The following ADGRB3 variants were observed in gnomAD, a reference collection of about 807,000 sequenced individuals.
ADGRB3 encodes the protein adhesion G protein-coupled receptor B3.
In ADGRB3, 37 loss-of-function variants were observed where a neutral mutation model predicts 193.4. The observed-to-expected ratio is 0.19, with a 90% CI of 0.15 to 0.25. The LOEUF (loss-of-function observed/expected upper bound fraction) is 0.25, where lower values mean the gene tolerates loss of function less well. Ranked by LOEUF, ADGRB3 falls within the 10% of genes least tolerant of loss-of-function variation. ADGRB3 has a pLI of 1.00. For missense variants in ADGRB3, 1,637 were observed against 1,852.9 expected, an observed-to-expected ratio of 0.88 and a Z score of 2.14; for synonymous variants, 690 against 644.2, an observed-to-expected ratio of 1.07 and a Z score of -1.08.
At chr6:68,943,040 T>C (rs1767684994) in intron 5 of ADGRB3, among the ~76,000 whole-genome samples, 2 of 152,350 alleles carry the variant, frequency 1.3e-5, no homozygotes, top group Admixed American at 1.3e-4. Flanking sequence ...TTTGAAGAAT[T>C]GATATATTCA....
intron 17 of ADGRB3, among the ~76,000 whole-genome samples, chr6:69,129,640 A>G (rs1459622133): frequency 1.3e-5 from 2 of 152,138 alleles, no homozygotes; most frequent in Non-Finnish European, 2.9e-5. Context: ...ATGCTATTAC[A>G]TTATTGCTTC....
intron 17 of ADGRB3, among the ~76,000 whole-genome samples, chr6:69,124,401 C>T (rs1247389264): frequency 6.6e-6 from 1 of 152,128 alleles, no homozygotes; most frequent in Non-Finnish European, 1.5e-5. Flanking sequence ...TTCTGCACTA[C>T]AGACTATCTG....
intron 13 of ADGRB3, among the ~76,000 whole-genome samples, chr6:69,037,496 A>G (rs1211137771): frequency 6.6e-6 from 1 of 152,100 alleles, no homozygotes; most frequent in Non-Finnish European, 1.5e-5. Flanking sequence ...CATGATTTAA[A>G]CCTAAAACTA....
chr6:69,354,395 T>A, intron 27 of ADGRB3, 67 bp downstream of exon 27: 1 of 1,367,528 alleles, frequency 7.3e-7, no homozygotes, highest in South Asian at 1.2e-5. Flanking sequence ...AAGAAATCCT[T>A]ATGAGTAAAA....
At chr6:69,301,470 T>C (rs1030953745) in intron 20 of ADGRB3, among the ~76,000 whole-genome samples, 1 of 151,896 alleles carries the variant, frequency 6.6e-6, no homozygotes, top group African/African-American at 2.4e-5. Flanking sequence ...AAAACTAGTT[T>C]TATCTCTCAA....
chr6:69,363,465 A>G (rs1445721122), intron 29 of ADGRB3, among the ~76,000 whole-genome samples: 1 of 152,054 alleles, frequency 6.6e-6, no homozygotes, highest in Non-Finnish European at 1.5e-5. Flanking sequence ...AACAGGAATT[A>G]ATCTTCACAA....
At chr6:68,941,685 A>G (rs904230711) in intron 5 of ADGRB3, among the ~76,000 whole-genome samples, 4 of 151,974 alleles carry the variant, frequency 2.6e-5, no homozygotes, top group Admixed American at 2.6e-4. Flanking sequence ...AGGAGGAGAA[A>G]AGGTTTTTAA....
At chr6:68,686,300 T>C (rs1410813885) in intron 3 of ADGRB3, among the ~76,000 whole-genome samples, 2 of 152,192 alleles carry the variant, frequency 1.3e-5, no homozygotes, top group Non-Finnish European at 2.9e-5. Context: ...ACGATTTTTC[T>C]TTGGCCCTCT....
At chr6:68,817,305 ATGT>A (rs1767651618) in intron 3 of ADGRB3, among the ~76,000 whole-genome samples, 1,215 of 43,404 alleles carry the variant, frequency 0.028, 133 homozygotes, top group Middle Eastern at 0.061. Context: ...CCTTTTGTCC[ATGT>A]ATATATATAT....
At chr6:69,087,274 C>T (rs1373090683) in intron 17 of ADGRB3, among the ~76,000 whole-genome samples, 3 of 152,124 alleles carry the variant, frequency 2.0e-5, no homozygotes, top group Admixed American at 2.0e-4. Flanking sequence ...AAATTCATTA[C>T]CATTCACCTC....
chr6:69,003,455 A>T (rs538507993), intron 11 of ADGRB3, among the ~76,000 whole-genome samples: 3 of 152,314 alleles, frequency 2.0e-5, no homozygotes, highest in Admixed American at 1.3e-4. Context: ...TTTTGTAGTT[A>T]GAGAGCAAGG....
intron 17 of ADGRB3, among the ~76,000 whole-genome samples, chr6:69,103,172 A>G (rs1773112958): frequency 6.6e-6 from 1 of 152,218 alleles, no homozygotes; most frequent in South Asian, 2.1e-4. Flanking sequence ...TTGTTGCAGC[A>G]TGTACATAAT....
intron 3 of ADGRB3, among the ~76,000 whole-genome samples, chr6:68,806,091 GA>G (rs1404829215): frequency 6.6e-6 from 1 of 152,086 alleles, no homozygotes; most frequent in Non-Finnish European, 1.5e-5. Context: ...TCATTTACCA[GA>G]TGTTTAGAAA....
chr6:68,699,071 T>C (rs1765200665), intron 3 of ADGRB3, among the ~76,000 whole-genome samples: 1 of 152,168 alleles, frequency 6.6e-6, no homozygotes, highest in African/African-American at 2.4e-5. Flanking sequence ...CATTTATTTA[T>C]ACTGAAAACA....
intron 20 of ADGRB3, among the ~76,000 whole-genome samples, chr6:69,285,033 AC>A (rs1767518697): frequency 6.6e-6 from 1 of 152,206 alleles, no homozygotes; most frequent in Non-Finnish European, 1.5e-5. Flanking sequence ...AACACATAAC[AC>A]CTTTGTGGAG....
rs1561994461 is a variant in ADGRB3, at chr6:68,686,634, CGGGTAA to C, written c.757+47204_757+47209del. ...TCAACTTTACTTTCTCAGTCAAAAT[CGGGTAA>C]GCTGAACCAACTGAGATATCTAAGA... On this transcript the variant is annotated intron_variant, in intron 3 of 31. Transcript: ENST00000370598. 5.9e-5 allele frequency among the ~76,000 whole-genome samples: 9 copies of C among 152,246 alleles called. No homozygotes were observed. The South Asian group carries it at 1.9e-3, about 32-fold the overall frequency.
At chr6:68,858,276 G>A (rs147238514) in intron 3 of ADGRB3, among the ~76,000 whole-genome samples, 109 of 152,174 alleles carry the variant, frequency 7.2e-4, no homozygotes, top group South Asian at 6.2e-3. Context: ...AGGCCAAGGC[G>A]GGTGGATCAC....
chr6:69,348,857 A>C (rs1769164245), intron 26 of ADGRB3, among the ~76,000 whole-genome samples: 1 of 152,202 alleles, frequency 6.6e-6, no homozygotes, highest in African/African-American at 2.4e-5. Flanking sequence ...CTAAATCATA[A>C]AAGGTTGGAA....
intron 3 of ADGRB3, among the ~76,000 whole-genome samples, chr6:68,927,816 AC>A (rs1398077124): frequency 3.9e-5 from 6 of 152,114 alleles, no homozygotes; most frequent in Non-Finnish European, 7.4e-5. Flanking sequence ...TTACATCAGG[AC>A]CTCATATTAA....
Sources: gnomAD v4.1 joint callset for allele counts (sites outside exome capture counted in the v4.1 genomes callset) on GRCh38, gnomAD v4.1.1 for gene constraint, MANE v1.5 for transcripts, NCBI Gene and HGNC (gene_info 2026-07-23, HGNC 2026-07-21) for gene names.